The following EDN1 variants were observed in gnomAD, a reference collection of about 807,000 sequenced individuals.
EDN1 encodes the protein endothelin-1.
A neutral mutation model predicts 21.7 loss-of-function variants in EDN1; 11 were observed. The ratio of observed to expected loss-of-function variants is 0.51; its 90% CI spans 0.32 to 0.84. The LOEUF is 0.84. Ranked by LOEUF, EDN1 falls within the 40% of genes least tolerant of loss-of-function variation. EDN1 has a pLI of 0.03. For missense variants in EDN1, 244 were observed against 262.3 expected (o/e 0.93, Z 0.48); for synonymous variants, 85 against 90.6 (o/e 0.94, Z 0.35).
At chr6:12,264,197 G>A in the EDN1 span, among the ~76,000 whole-genome samples, 1 of 152,196 alleles carries the variant, frequency 6.6e-6, no homozygotes, top group Non-Finnish European at 1.5e-5. Flanking sequence ...AAGAAATCCA[G>A]GCACCTGAAG....
intron 1 of EDN1, 27 bp downstream of exon 1, chr6:12,290,720 C>T: frequency 6.3e-7 from 1 of 1,597,250 alleles, no homozygotes; most frequent in Non-Finnish European, 8.6e-7. Flanking sequence ...ACTTGTAAGT[C>T]TCGGAATTAC....
the EDN1 span, among the ~76,000 whole-genome samples, chr6:12,281,882 T>A: frequency 6.6e-6 from 1 of 152,240 alleles, no homozygotes; most frequent in African/African-American, 2.4e-5. Flanking sequence ...TTCTTTCATT[T>A]TCTATCTAGG....
Position 12,294,041 on chromosome 6 carries a change from G to A in EDN1, c.334G>A (p.Ala112Thr), listed in dbSNP as rs1175229600. 1 of 1,614,194 alleles carries A rather than the reference G, an allele frequency of 6.2e-7. No homozygotes were observed. The highest frequency in any genetic ancestry group is 8.5e-7 in the Non-Finnish European group (1 of 1,180,044). Residue 112 changes from alanine (A) to threonine (T), a missense_variant, in exon 3 of 5, where the codon GCT becomes ACT. Transcript: ENST00000379375. ...ATDRENRCQC[A>T]SQKDKKCWNF... is the part of the protein sequence containing the mutation. ...AGACCGTGAAAATAGATGCCAATGT[G>A]CTAGCCAAAAAGACAAGAAGTGCTG...
At chr6:12,247,056 C>T in the EDN1 span, among the ~76,000 whole-genome samples, 2 of 152,178 alleles carry the variant, frequency 1.3e-5, no homozygotes, top group African/African-American at 4.8e-5. Flanking sequence ...GAAATCACTA[C>T]ACACATGTTT....
the EDN1 span, among the ~76,000 whole-genome samples, chr6:12,268,463 T>TATTAC: frequency 2.0e-5 from 3 of 152,226 alleles, no homozygotes; most frequent in Admixed American, 6.5e-5. Context: ...TACATTTAAG[T>TATTAC]ATTTAATCCA....
At chr6:12,274,310 A>G in the EDN1 span, among the ~76,000 whole-genome samples, 4 of 152,248 alleles carry the variant, frequency 2.6e-5, no homozygotes, top group Admixed American at 6.5e-5. Context: ...ATGCTATTTC[A>G]CTTTCTGGCA....
chr6:12,268,237 A>T, the EDN1 span, among the ~76,000 whole-genome samples: 1 of 152,214 alleles, frequency 6.6e-6, no homozygotes, highest in Non-Finnish European at 1.5e-5. Flanking sequence ...TTATAATGCC[A>T]TAGCTTCCAT....
the EDN1 span, among the ~76,000 whole-genome samples, chr6:12,235,833 A>T: frequency 3.3e-5 from 5 of 152,354 alleles, no homozygotes; most frequent in East Asian, 9.6e-4. Context: ...ATTTAAATTT[A>T]AATAGCCACA....
At chr6:12,260,549 C>CGTATA in the EDN1 span, among the ~76,000 whole-genome samples, 19 of 152,238 alleles carry the variant, frequency 1.2e-4, no homozygotes, top group Admixed American at 1.2e-3. Context: ...GCTCTCAGTG[C>CGTATA]ATACCTTCCT....
At chr6:12,293,908 C>T in intron 2 of EDN1, 33 bp from the exon 3 acceptor site, 1 of 1,610,236 alleles carries the variant, frequency 6.2e-7, no homozygotes, top group Non-Finnish European at 8.5e-7. Context: ...ATTAATTACA[C>T]TAATATAGTT....
chr6:12,278,850 T>A, the EDN1 span, among the ~76,000 whole-genome samples: 5 of 152,022 alleles, frequency 3.3e-5, no homozygotes, highest in Admixed American at 3.3e-4. Flanking sequence ...TGAGCCGAGA[T>A]CATGCCACTG....
At chr6:12,261,026 A>T in the EDN1 span, among the ~76,000 whole-genome samples, 2 of 152,228 alleles carry the variant, frequency 1.3e-5, no homozygotes, top group African/African-American at 4.8e-5. Flanking sequence ...CACTTCTAGA[A>T]ATTGCTTCTA....
At chr6:12,295,302 A>G (rs6912834) in intron 4 of EDN1, among the ~76,000 whole-genome samples, 15,406 of 152,100 alleles carry the variant, frequency 0.1, 834 homozygotes, top group Middle Eastern at 0.13. Context: ...AGCCTCAGCT[A>G]TCGGTTTCTT....
chr6:12,232,038 C>G, the EDN1 span, among the ~76,000 whole-genome samples: 1 of 149,180 alleles, frequency 6.7e-6, no homozygotes, highest in Admixed American at 6.7e-5. Flanking sequence ...TAAGAGATAC[C>G]AGTTCTTCAC....
chr6:12,287,712 T>TCTCACACACA (rs1380647005), upstream of EDN1, among the ~76,000 whole-genome samples: 10 of 103,048 alleles, frequency 9.7e-5, no homozygotes, highest in Admixed American at 7.3e-4. Flanking sequence ...TCTCTCTCTC[T>TCTCACACACA]CACACACACA....
the EDN1 span, among the ~76,000 whole-genome samples, chr6:12,245,602 T>G: frequency 2.6e-5 from 4 of 152,208 alleles, no homozygotes; most frequent in Non-Finnish European, 5.9e-5. Flanking sequence ...GCTATGTCCC[T>G]TGCTAAATTT....
At chr6:12,274,291 G>T in the EDN1 span, among the ~76,000 whole-genome samples, 1 of 152,162 alleles carries the variant, frequency 6.6e-6, no homozygotes, top group Admixed American at 6.5e-5. Context: ...TTAAGACCTT[G>T]CTAATAAAAT....
the EDN1 span, among the ~76,000 whole-genome samples, chr6:12,260,634 C>T: frequency 6.6e-6 from 1 of 152,148 alleles, no homozygotes; most frequent in African/African-American, 2.4e-5. Flanking sequence ...AATATTGTTC[C>T]CTGCGAAACT....
chr6:12,269,232 T>C, the EDN1 span, among the ~76,000 whole-genome samples: 1 of 152,162 alleles, frequency 6.6e-6, no homozygotes, highest in Non-Finnish European at 1.5e-5. Flanking sequence ...GTTTTTTGGA[T>C]AGAGTCTTTA....
Sources: gnomAD v4.1 joint callset for allele counts (sites outside exome capture counted in the v4.1 genomes callset) on GRCh38, gnomAD v4.1.1 for gene constraint, MANE v1.5 for transcripts, NCBI Gene and HGNC (gene_info 2026-07-23, HGNC 2026-07-21) for gene names.